The following ANKS1B variants were observed in gnomAD, a reference collection of about 807,000 sequenced individuals.
The protein encoded by ANKS1B is ankyrin repeat and sterile alpha motif domain-containing protein 1B.
In ANKS1B, 36 loss-of-function variants were observed where a neutral mutation model predicts 148.3. The observed-to-expected ratio is 0.24, with a 90% CI of 0.19 to 0.32. The LOEUF is 0.32. Among genes scored for constraint, ANKS1B ranks in the 10% least tolerant of loss-of-function variants. The probability of loss-of-function intolerance (pLI) is 1.00; values close to 1 mark genes in which losing one functional copy is unlikely to be tolerated. For missense variants in ANKS1B, 1,157 were observed against 1,542.6 expected, an observed-to-expected ratio of 0.75 and a Z score of 4.19; for synonymous variants, 542 against 560.8, an observed-to-expected ratio of 0.97 and a Z score of 0.47.
chr12:98,952,319 C>A (rs1296414617), intron 17 of ANKS1B, among the ~76,000 whole-genome samples: 1 of 152,222 alleles, frequency 6.6e-6, no homozygotes, highest in African/African-American at 2.4e-5. Flanking sequence ...GGCACTGGAA[C>A]CTTGGCCTCC....
At chr12:99,142,862 C>A (rs371677976) in intron 15 of ANKS1B, among the ~76,000 whole-genome samples, 1 of 152,044 alleles carries the variant, frequency 6.6e-6, no homozygotes, top group East Asian at 1.9e-4. Flanking sequence ...TGAGGGATTT[C>A]TGGATGTTTG....
At chr12:99,249,575 G>C (rs994248826) in intron 12 of ANKS1B, among the ~76,000 whole-genome samples, 1 of 152,186 alleles carries the variant, frequency 6.6e-6, no homozygotes, top group East Asian at 1.9e-4. Flanking sequence ...GCTTTTTCCA[G>C]TGGCCAAATC....
chr12:99,961,588 T>C (rs1348297886), intron 1 of ANKS1B, among the ~76,000 whole-genome samples: 1 of 152,162 alleles, frequency 6.6e-6, no homozygotes, highest in Non-Finnish European at 1.5e-5. Flanking sequence ...AAGACTTCTA[T>C]AGTCATAAAT....
Position 99,816,321 on chromosome 12 carries a change from A to C in ANKS1B, c.216-4010T>G, listed in dbSNP as rs139146425. Reference sequence around the variant, plus strand: ...AAATGTCTATTCATCCCCTTTGCCTACTTTTTGATGGGATTATTTGTTTTT... The same window carrying C: ...AAATGTCTATTCATCCCCTTTGCCTCCTTTTTGATGGGATTATTTGTTTTT... On this transcript the variant is annotated intron_variant, in intron 2 of 26. Coordinates refer to ENST00000683438, the MANE Select transcript of ANKS1B (RefSeq NM_001352186.2). Among the ~76,000 whole-genome samples, 290 of 151,422 alleles carry C rather than the reference A, an allele frequency of 1.9e-3. 2 individuals carry two copies. The highest frequency in any genetic ancestry group is 6.0e-3 in the African/African-American group (249 of 41,316).
At chr12:99,570,340 A>AT (rs543107655) in intron 9 of ANKS1B, among the ~76,000 whole-genome samples, 145 of 129,420 alleles carry the variant, frequency 1.1e-3, no homozygotes, top group Admixed American at 5.4e-3. Flanking sequence ...AATACTCCAG[A>AT]TAAAAAAAAA....
At chr12:99,973,183 C>T (rs931515455) in intron 1 of ANKS1B, among the ~76,000 whole-genome samples, 6 of 152,206 alleles carry the variant, frequency 3.9e-5, no homozygotes, top group Admixed American at 3.9e-4. Flanking sequence ...CATTCTGTAG[C>T]CCAGAGATTG....
intron 14 of ANKS1B, among the ~76,000 whole-genome samples, chr12:99,187,485 C>T (rs577334716): frequency 5.9e-5 from 9 of 152,112 alleles, no homozygotes; most frequent in African/African-American, 1.4e-4. Context: ...AGACTAACAA[C>T]GTATCTGTCT....
intron 12 of ANKS1B, among the ~76,000 whole-genome samples, chr12:99,274,888 G>A (rs2077486415): frequency 1.3e-5 from 2 of 152,118 alleles, no homozygotes; most frequent in Admixed American, 1.3e-4. Flanking sequence ...ACTTTACTTG[G>A]GTTGTTAGCC....
intron 17 of ANKS1B, among the ~76,000 whole-genome samples, chr12:98,841,783 T>G (rs2099407742): frequency 6.6e-6 from 1 of 151,946 alleles, no homozygotes; most frequent in Non-Finnish European, 1.5e-5. Flanking sequence ...GTGAGAGAGA[T>G]TTCTTATCGT....
intron 9 of ANKS1B, among the ~76,000 whole-genome samples, chr12:99,652,596 TAATGCAG>T (rs2098427546): frequency 6.6e-6 from 1 of 152,146 alleles, no homozygotes; most frequent in African/African-American, 2.4e-5. Context: ...TTTATAGATT[TAATGCAG>T]TAAAAATTAA....
chr12:99,800,509 T>C (rs2066820536), intron 4 of ANKS1B, among the ~76,000 whole-genome samples: 2 of 148,640 alleles, frequency 1.3e-5, no homozygotes, highest in South Asian at 2.1e-4. Context: ...TCTTGGACTA[T>C]GGTGTTAATC....
intron 9 of ANKS1B, among the ~76,000 whole-genome samples, chr12:99,572,195 A>C (rs1288327937): frequency 6.6e-6 from 1 of 152,142 alleles, no homozygotes; most frequent in African/African-American, 2.4e-5. Flanking sequence ...TTAAGAATCA[A>C]GTATGATACT....
intron 9 of ANKS1B, among the ~76,000 whole-genome samples, chr12:99,619,193 C>T (rs368494215): frequency 6.6e-6 from 1 of 151,984 alleles, no homozygotes; most frequent in Non-Finnish European, 1.5e-5. Flanking sequence ...AGCCACCCCA[C>T]CCTTCATGAG....
intron 9 of ANKS1B, among the ~76,000 whole-genome samples, chr12:99,535,809 T>C (rs1407166410): frequency 6.6e-6 from 1 of 152,138 alleles, no homozygotes; most frequent in Non-Finnish European, 1.5e-5. Context: ...ACTCAAAAAG[T>C]TGTCAAAATA....
intron 9 of ANKS1B, among the ~76,000 whole-genome samples, chr12:99,561,505 T>C (rs2097335603): frequency 6.6e-6 from 1 of 152,212 alleles, no homozygotes; most frequent in African/African-American, 2.4e-5. Context: ...TTCTTATGCA[T>C]TTTTTGGATA....
At chr12:99,830,834 G>A (rs1020215521) in intron 1 of ANKS1B, among the ~76,000 whole-genome samples, 2 of 151,946 alleles carry the variant, frequency 1.3e-5, no homozygotes, top group African/African-American at 4.8e-5. Context: ...AACCACACAG[G>A]CCTCCTTAAA....
intron 17 of ANKS1B, among the ~76,000 whole-genome samples, chr12:98,975,064 C>T (rs560931579): frequency 9.2e-4 from 117 of 126,816 alleles, no homozygotes; most frequent in Non-Finnish European, 1.6e-3. Flanking sequence ...TTCCCTCCTT[C>T]TTCCTCCCTC....
At chr12:99,452,700 A>AC (rs1247428348) in intron 10 of ANKS1B, among the ~76,000 whole-genome samples, 1 of 152,230 alleles carries the variant, frequency 6.6e-6, no homozygotes, top group East Asian at 1.9e-4. Flanking sequence ...ATAATATTTA[A>AC]CAGTAATTTA....
chr12:99,367,786 T>TTG (rs370684225), intron 12 of ANKS1B, among the ~76,000 whole-genome samples: 2,957 of 148,430 alleles, frequency 0.02, 70 homozygotes, highest in African/African-American at 0.053. Context: ...GTGTGTGTGC[T>TTG]TGTGTGTGTG....
Sources: gnomAD v4.1 joint callset for allele counts (sites outside exome capture counted in the v4.1 genomes callset) on GRCh38, gnomAD v4.1.1 for gene constraint, MANE v1.5 for transcripts, NCBI Gene and HGNC (gene_info 2026-07-23, HGNC 2026-07-21) for gene names.